Variants in PDE5A observed in about 807,000 individuals in gnomAD.
The protein encoded by PDE5A is cGMP-specific 3',5'-cyclic phosphodiesterase.
In PDE5A, 67 loss-of-function variants were observed where a neutral mutation model predicts 110.2. That is an observed-to-expected ratio of 0.61 (90% CI 0.50 to 0.75). The LOEUF (loss-of-function observed/expected upper bound fraction) is 0.75, where lower values mean the gene tolerates loss of function less well. Ranked by LOEUF, PDE5A falls within the 30% of genes least tolerant of loss-of-function variation. The probability of loss-of-function intolerance (pLI) is 0.00; values close to 1 mark genes in which losing one functional copy is unlikely to be tolerated. For missense variants in PDE5A, 862 were observed against 1,045.1 expected (o/e 0.82, Z 2.42); for synonymous variants, 328 against 351.2 (o/e 0.93, Z 0.74).
At position 119,525,526 on chromosome 4, in the gene PDE5A, A is replaced by C. The variant is rs1304242812; in HGVS notation, c.1779+23T>G. ...CACACACATACACATAGACTTTTCCAAAGGATGTTGCTGCATTCCTACCTC... is the reference window on the plus strand; with the variant it reads ...CACACACATACACATAGACTTTTCCCAAGGATGTTGCTGCATTCCTACCTC... On this transcript the variant is annotated intron_variant, in intron 12 of 20. Transcript: ENST00000354960. This position sits in a 1 kb window ranked among gnomAD's most constrained non-coding sequence, Gnocchi z 4.3. 1.2e-6 allele frequency: 2 copies of C among 1,609,040 alleles called. No homozygotes were observed. Among genetic ancestry groups the C allele is most frequent in the Non-Finnish European group, 1.7e-6 (2 of 1,176,772 alleles).
At chr4:119,588,192 A>G (rs1208092694) in intron 3 of PDE5A, among the ~76,000 whole-genome samples, 1 of 136,956 alleles carries the variant, frequency 7.3e-6, no homozygotes, top group East Asian at 2.1e-4. Flanking sequence ...TTTTTTTGAG[A>G]CGGAGTCTCA....
At chr4:119,598,114 T>C (rs1459300527) in intron 2 of PDE5A, among the ~76,000 whole-genome samples, 3 of 152,138 alleles carry the variant, frequency 2.0e-5, no homozygotes, top group Non-Finnish European at 4.4e-5. Flanking sequence ...AACCAATAAG[T>C]AAAACATGAA....
chr4:119,536,246 A>C (rs1352033064), intron 11 of PDE5A, among the ~76,000 whole-genome samples: 1 of 152,222 alleles, frequency 6.6e-6, no homozygotes, highest in Non-Finnish European at 1.5e-5. Context: ...CTATTTTCAA[A>C]GTGAAAAACA....
Position 119,562,816 on chromosome 4 carries a change from T to C in PDE5A, c.1131+17A>G, listed in dbSNP as rs759112901. The C allele has an allele frequency of 6.6e-7, 1 of 1,509,388 alleles. No individual in the cohort carries two copies. Among genetic ancestry groups the C allele is most frequent in the Non-Finnish European group, 8.8e-7 (1 of 1,132,036 alleles). 93.5% of individuals were successfully genotyped at this position (1,509,388 alleles called of 1,614,324 possible). A position where few individuals can be genotyped will look rare whatever the true frequency, so the allele number is the denominator to read the frequency against. On this transcript the variant is annotated intron_variant, in intron 6 of 20. Transcript: ENST00000354960. ...TTCTGTCTTTCTAAAAATAAAAAAG[T>C]CATACTCTGTACTCACGGAGCAATC...
At chr4:119,625,120 C>T (rs1730297962) in intron 1 of PDE5A, among the ~76,000 whole-genome samples, 1 of 151,448 alleles carries the variant, frequency 6.6e-6, no homozygotes. Context: ...AAGCGATTCT[C>T]CTTAGTAGCT....
intron 10 of PDE5A, 43 bp from the exon 11 acceptor site, chr4:119,539,062 T>C: frequency 7.1e-7 from 1 of 1,411,750 alleles, no homozygotes. Context: ...AGGAGAGAAC[T>C]ACCACATGTA....
chr4:119,537,406 C>T (rs1560606447), intron 11 of PDE5A, among the ~76,000 whole-genome samples: 1 of 152,062 alleles, frequency 6.6e-6, no homozygotes, highest in Non-Finnish European at 1.5e-5. Flanking sequence ...TTTTCACAAT[C>T]CTCATATTTC....
intron 2 of PDE5A, among the ~76,000 whole-genome samples, chr4:119,598,781 G>T (rs1252510783): frequency 6.6e-6 from 1 of 152,186 alleles, no homozygotes; most frequent in East Asian, 1.9e-4. Context: ...AAACAGAATT[G>T]AATGGAGCTC....
chr4:119,570,704 A>G (rs1191464785), intron 3 of PDE5A, among the ~76,000 whole-genome samples: 1 of 152,124 alleles, frequency 6.6e-6, no homozygotes, highest in Non-Finnish European at 1.5e-5. Context: ...ATCAATCCCA[A>G]TACATTTCCC....
In PDE5A at chr4:119,575,030, G is replaced by A. The variant is rs757057988; in HGVS notation, c.832-7886C>T. Among the ~76,000 whole-genome samples, 7 of 152,314 alleles carry A rather than the reference G, an allele frequency of 4.6e-5. No individual in the cohort carries two copies. The South Asian group carries it at 8.3e-4, about 18-fold the overall frequency. ...CTGAAAACCAAGGCACGAGAACTACGTGATGAATGCACAAGCCTCAGTAGC... is the reference window on the plus strand; with the variant it reads ...CTGAAAACCAAGGCACGAGAACTACATGATGAATGCACAAGCCTCAGTAGC... On this transcript the variant is annotated intron_variant, in intron 3 of 20. Transcript: ENST00000354960.
At chr4:119,562,327 T>G (rs1429238575) in intron 6 of PDE5A, among the ~76,000 whole-genome samples, 4 of 152,210 alleles carry the variant, frequency 2.6e-5, no homozygotes, top group Non-Finnish European at 5.9e-5. Context: ...TTTCCACTGT[T>G]GGTAAAAATA....
At position 119,562,853 on chromosome 4, in the gene PDE5A, T is replaced by C. The variant is rs201004401; in HGVS notation, c.1111A>G (p.Ile371Val). The C allele has an allele frequency of 1.9e-6, 3 of 1,580,044 alleles. No homozygotes were observed. Among genetic ancestry groups the C allele is most frequent in the Non-Finnish European group, 2.6e-6 (3 of 1,168,102 alleles). The change falls in exon 6 of 21, where the codon ATA becomes GTA. Residue 371 changes from isoleucine to valine, a missense_variant. By Grantham distance (29) the Ile-to-Val change is conservative (BLOSUM62 3). Coordinates refer to ENST00000354960, the MANE Select transcript of PDE5A (RefSeq NM_001083.4). ...FMQVQKCTIF[I>V]VDEDCSDSFS... ...CTCACGGAGCAATCTTCATCCACTA[T>C]GAAAATGGTGCATTTCTGCACTTGC...
intron 3 of PDE5A, among the ~76,000 whole-genome samples, chr4:119,578,046 GACAA>G (rs1475725905): frequency 1.6e-4 from 24 of 152,198 alleles, no homozygotes; most frequent in Middle Eastern, 3.4e-3. Flanking sequence ...ACCAATAACA[GACAA>G]ACAGAGAGCC....
intron 7 of PDE5A, among the ~76,000 whole-genome samples, chr4:119,554,854 G>C (rs925710606): frequency 3.9e-5 from 6 of 152,162 alleles, no homozygotes; most frequent in African/African-American, 1.4e-4. Flanking sequence ...ATGTGCATAG[G>C]TTATAGGCAA....
Position 119,522,051 on chromosome 4 carries a change from G to A in PDE5A, c.1780-991C>T, listed in dbSNP as rs560033312. 9.2e-5 allele frequency among the ~76,000 whole-genome samples: 14 copies of A among 152,158 alleles called. No individual in the cohort carries two copies. The South Asian group carries it at 1.2e-3, about 14-fold the overall frequency. ...GCTTTGACAATATTCAACACAATAC[G>A]ATTAGCTACAGAAGTAGGCCAAAAA... On this transcript the variant is annotated intron_variant, in intron 12 of 20. Coordinates refer to ENST00000354960, the MANE Select transcript of PDE5A (RefSeq NM_001083.4).
Position 119,560,354 on chromosome 4 carries a change from A to G in PDE5A, c.1141T>C (p.Ser381Pro). ...IVDEDCSDSF[S>P]SVFHMECEEL... ...TCACACTCCATGTGAAACACACTAG[A>G]AAAAGAATCCTAAAAACAGACAACA... The change falls in exon 7 of 21, where the codon TCT becomes CCT. Residue 381 changes from serine to proline, a missense_variant. By Grantham distance (74) the Ser-to-Pro change is moderately conservative. Transcript: ENST00000354960. 1 of 1,584,532 alleles carries G rather than the reference A, an allele frequency of 6.3e-7. No homozygotes were observed. The highest frequency in any genetic ancestry group is 8.6e-7 in the Non-Finnish European group (1 of 1,165,756).
chr4:119,580,357 G>T (rs141503420), intron 3 of PDE5A, among the ~76,000 whole-genome samples: 1 of 152,124 alleles, frequency 6.6e-6, no homozygotes, highest in African/African-American at 2.4e-5. Flanking sequence ...ACAGAACAGC[G>T]CATAGCCATT....
At position 119,496,274 on chromosome 4, in the gene PDE5A, G is replaced by C. The variant is rs917330722; in HGVS notation, c.*2327C>G. The stretch of plus-strand genomic sequence containing the variant: ...ATACAGAGTAAGGTGAAGGAGGACT[G>C]TATGTATATTTTTCCAACTTGAGAA... On this transcript the variant is annotated 3_prime_UTR_variant, in exon 21 of 21. Transcript: ENST00000354960. The C allele has an allele frequency of 1.3e-5, 2 of 152,062 alleles. No individual in the cohort carries two copies. Among genetic ancestry groups the C allele is most frequent in the African/African-American group, 4.8e-5 (2 of 41,406 alleles). 9.4% of individuals were successfully genotyped at this position (152,062 alleles called of 1,614,324 possible). A position where few individuals can be genotyped will look rare whatever the true frequency, so the allele number is the denominator to read the frequency against.
At chr4:119,517,814 G>A (rs528917156) in intron 14 of PDE5A, among the ~76,000 whole-genome samples, 2 of 151,804 alleles carry the variant, frequency 1.3e-5, no homozygotes, top group African/African-American at 4.8e-5. Flanking sequence ...TTTTGGTTGT[G>A]CTGACTGTGG....
Sources: gnomAD v4.1 joint callset for allele counts (sites outside exome capture counted in the v4.1 genomes callset) on GRCh38, gnomAD v4.1.1 for gene constraint, Gnocchi (gnomAD v3.1) non-coding constraint, MANE v1.5 for transcripts, NCBI Gene and HGNC (gene_info 2026-07-23, HGNC 2026-07-21) for gene names.